The following TAS2R3 variants were observed in gnomAD, a reference collection of about 807,000 sequenced individuals.
TAS2R3 encodes taste 2 receptor member 3.
In TAS2R3, 10 loss-of-function variants were observed where a neutral mutation model predicts 15.3. The observed-to-expected ratio is 0.65, with a 90% CI of 0.40 to 1.11. TAS2R3 has a LOEUF of 1.11. Ranked by LOEUF, TAS2R3 falls within the 50% of genes least tolerant of loss-of-function variation. The pLI, the probability that TAS2R3 is intolerant of heterozygous loss-of-function variation, is 0.00. For synonymous variants in TAS2R3, 162 were observed against 141.3 expected, an observed-to-expected ratio of 1.15 and a Z score of -1.04; for missense variants, 383 against 370.3, an observed-to-expected ratio of 1.03 and a Z score of -0.28.
Position 141,765,172 on chromosome 7 carries a change from C to G in TAS2R3, c.*63C>G. On this transcript the variant is annotated 3_prime_UTR_variant, in exon 1 of 1. Coordinates refer to ENST00000247879, the MANE Select transcript of TAS2R3 (RefSeq NM_016943.2). ...TGGCCTGGCTCAAGACTACAGGACT[C>G]TTCCTGACCTTCCTATGTTACCAGT... 6.8e-7 allele frequency: 1 copy of G among 1,470,600 alleles called. No individual in the cohort carries two copies. 91.1% of individuals were successfully genotyped at this position (1,470,600 alleles called of 1,614,324 possible).
At position 141,765,059 on chromosome 7, in the gene TAS2R3, T is replaced by G. The variant is rs755918988; in HGVS notation, c.901T>G (p.Cys301Gly). ...LKQTFVVMLRCESGHLKPGSK... is the reference protein window; with the variant it reads ...LKQTFVVMLRGESGHLKPGSK... ...GCAGACATTTGTAGTGATGCTCCGG[T>G]GTGAGTCTGGTCATCTGAAGCCTGG... Residue 301 changes from cysteine to glycine, a missense_variant, in exon 1 of 1, where the codon TGT becomes GGT. Coordinates refer to ENST00000247879, the MANE Select transcript of TAS2R3 (RefSeq NM_016943.2). 6.2e-7 allele frequency: 1 copy of G among 1,614,128 alleles called. No homozygotes were observed. Among genetic ancestry groups the G allele is most frequent in the East Asian group, 2.2e-5 (1 of 44,874 alleles).
In TAS2R3 at chr7:141,764,386, T is replaced by C; in HGVS notation, c.228T>C (p.His76=). 2 of 1,614,054 alleles carry C rather than the reference T, an allele frequency of 1.2e-6. No homozygotes were observed. The highest frequency in any genetic ancestry group is 8.5e-7 in the Non-Finnish European group (1 of 1,179,926). The stretch of plus-strand genomic sequence containing the variant: ...TAATAGAATTCTCTCCCAACACACA[T>C]GATTCAGGGATAATAATGCAAATTA... ...SFLIEFSPNT[H]DSGIIMQIID... is the part of the protein sequence containing the mutation. The change falls in exon 1 of 1, where the codon CAT becomes CAC. Residue 76 remains histidine (H), a synonymous_variant. Coordinates refer to ENST00000247879, the MANE Select transcript of TAS2R3 (RefSeq NM_016943.2).
In TAS2R3 at chr7:141,764,510, A is replaced by C; in HGVS notation, c.352A>C (p.Thr118Pro). 6.2e-7 allele frequency: 1 copy of C among 1,613,906 alleles called. No homozygotes were observed. The highest frequency in any genetic ancestry group is 8.5e-7 in the Non-Finnish European group (1 of 1,179,986). The change falls in exon 1 of 1, where the codon ACA becomes CCA. Residue 118 changes from threonine (T) to proline (P), a missense_variant. Coordinates refer to ENST00000247879, the MANE Select transcript of TAS2R3 (RefSeq NM_016943.2). ...GAAAATCGCCAGTTTCTCTCACCCC[A>C]CATTCCTCTGGCTCAAGTGGAGAGT... ...CLKIASFSHP[T>P]FLWLKWRVSR...
At position 141,764,870 on chromosome 7, in the gene TAS2R3, T is replaced by C. The variant is rs952330121; in HGVS notation, c.712T>C (p.Ser238Pro). ...AHKRAIRIIL[S>P]FFFLFLLYFL... ...CAAGAGGGCCATCAGAATCATCCTT[T>C]CCTTCTTCTTTCTCTTCTTACTTTA... Residue 238 changes from serine (S) to proline (P), a missense_variant, in exon 1 of 1, where the codon TCC (serine) becomes CCC (proline). Transcript: ENST00000247879. The C allele has an allele frequency of 6.2e-7, 1 of 1,614,104 alleles. No individual in the cohort carries two copies. Among genetic ancestry groups the C allele is most frequent in the Non-Finnish European group, 8.5e-7 (1 of 1,180,044 alleles).
In TAS2R3 at chr7:141,764,645, G is replaced by A. The variant is rs889805779; in HGVS notation, c.487G>A (p.Ala163Thr). 1.2e-5 allele frequency: 19 copies of A among 1,613,994 alleles called. No individual in the cohort carries two copies. The African/African-American group carries it at 2.5e-4, about 22-fold the overall frequency. Residue 163 changes from alanine (A) to threonine (T), a missense_variant, in exon 1 of 1, where the codon GCC (alanine) becomes ACC (threonine). Physicochemically the swap from Ala to Thr is moderately conservative, Grantham distance 58 (BLOSUM62 0). Coordinates refer to ENST00000247879, the MANE Select transcript of TAS2R3 (RefSeq NM_016943.2). ...KLYSVFRGIE[A>T]TRNVTEHFRK... is the part of the protein sequence containing the mutation. ...CTATTCTGTCTTTAGGGGAATTGAG[G>A]CCACCAGGAATGTGACTGAACACTT...
In TAS2R3 at chr7:141,764,246, G is replaced by A. The variant is rs752575625; in HGVS notation, c.88G>A (p.Val30Ile). 5 of 1,614,172 alleles carry A rather than the reference G, an allele frequency of 3.1e-6. No homozygotes were observed. The South Asian group carries it at 5.5e-5, about 18-fold the overall frequency. ...TCTGGTCAATTGTTTCATTGAGTTGGTCAATGGTAGCAGCTGGTTCAAGAC... is the reference window on the plus strand; with the variant it reads ...TCTGGTCAATTGTTTCATTGAGTTGATCAATGGTAGCAGCTGGTTCAAGAC... The part of the protein sequence containing the change: ...GILVNCFIEL[V>I]NGSSWFKTKR... The change falls in exon 1 of 1, where the codon GTC becomes ATC. Residue 30 changes from valine (V) to isoleucine (I), a missense_variant. By Grantham distance (29) the Val-to-Ile change is conservative. Transcript: ENST00000247879.
rs1800110291 is a variant in TAS2R3 at position 141,765,130 on chromosome 7, G to A, written c.*21G>A. On this transcript the variant is annotated 3_prime_UTR_variant, in exon 1 of 1. Coordinates refer to ENST00000247879, the MANE Select transcript of TAS2R3 (RefSeq NM_016943.2). Reference sequence around the variant, plus strand: ...CTTAGAGTAACAGAGGGCATGGGGTGGAGCCCTTGAGCCTTTTGGCCTGGC... The same window carrying A: ...CTTAGAGTAACAGAGGGCATGGGGTAGAGCCCTTGAGCCTTTTGGCCTGGC... The A allele has an allele frequency of 6.3e-7, 1 of 1,584,528 alleles. No individual in the cohort carries two copies. Among genetic ancestry groups the A allele is most frequent in the East Asian group, 2.2e-5 (1 of 44,696 alleles).
chr7:141,764,209 C>G lies in TAS2R3; in HGVS notation c.51C>G (p.Phe17Leu), dbSNP rs1413666644. 3 of 1,613,976 alleles carry G rather than the reference C, an allele frequency of 1.9e-6. No individual in the cohort carries two copies. Among genetic ancestry groups the G allele is most frequent in the Non-Finnish European group, 1.7e-6 (2 of 1,180,014 alleles). Residue 17 changes from phenylalanine to leucine, a missense_variant, in exon 1 of 1, where the codon TTC becomes TTG. By Grantham distance (22) the Phe-to-Leu change is conservative. Coordinates refer to ENST00000247879, the MANE Select transcript of TAS2R3 (RefSeq NM_016943.2). ...TCCTGATTCTGTCTGGCACTCAGTTCACACTGGGAATTCTGGTCAATTGTT... is the reference window on the plus strand; with the variant it reads ...TCCTGATTCTGTCTGGCACTCAGTTGACACTGGGAATTCTGGTCAATTGTT... Reference protein sequence around the residue: ...GVFLILSGTQFTLGILVNCFI... With the variant: ...GVFLILSGTQLTLGILVNCFI...
chr7:141,764,534 G>A lies in TAS2R3; in HGVS notation c.376G>A (p.Val126Ile). ...HPTFLWLKWRVSRVMVWMLLG... is the reference protein window; with the variant it reads ...HPTFLWLKWRISRVMVWMLLG... ...CACATTCCTCTGGCTCAAGTGGAGA[G>A]TTTCTAGGGTGATGGTATGGATGCT... The change falls in exon 1 of 1, where the codon GTT becomes ATT. Residue 126 changes from valine to isoleucine, a missense_variant. Val to Ile is a conservative substitution (Grantham distance 29). Coordinates refer to ENST00000247879, the MANE Select transcript of TAS2R3 (RefSeq NM_016943.2). 1 of 1,614,168 alleles carries A rather than the reference G, an allele frequency of 6.2e-7. No individual in the cohort carries two copies. The highest frequency in any genetic ancestry group is 8.5e-7 in the Non-Finnish European group (1 of 1,180,020).
Position 141,764,521 on chromosome 7 carries a change from G to C in TAS2R3, c.363G>C (p.Trp121Cys), listed in dbSNP as rs200480259. Residue 121 changes from tryptophan (W) to cysteine (C), a missense_variant, in exon 1 of 1, where the codon TGG (tryptophan) becomes TGC (cysteine). Trp to Cys is a radical substitution (Grantham distance 215). Transcript: ENST00000247879. ...IASFSHPTFL[W>C]LKWRVSRVMV... ...GTTTCTCTCACCCCACATTCCTCTG[G>C]CTCAAGTGGAGAGTTTCTAGGGTGA... The C allele has an allele frequency of 9.2e-5, 148 of 1,614,082 alleles. No homozygotes were observed. The East Asian group carries it at 3.3e-3, about 35-fold the overall frequency.
chr7:141,765,150 C>A lies in TAS2R3; in HGVS notation c.*41C>A. The A allele has an allele frequency of 6.4e-7, 1 of 1,553,764 alleles. No individual in the cohort carries two copies. On this transcript the variant is annotated 3_prime_UTR_variant, in exon 1 of 1. Transcript: ENST00000247879. Reference sequence around the variant, plus strand: ...GGGGTGGAGCCCTTGAGCCTTTTGGCCTGGCTCAAGACTACAGGACTCTTC... The same window carrying A: ...GGGGTGGAGCCCTTGAGCCTTTTGGACTGGCTCAAGACTACAGGACTCTTC...
Position 141,764,138 on chromosome 7 carries a change from C to T in TAS2R3, c.-21C>T, listed in dbSNP as rs1258280075. The T allele has an allele frequency of 1.3e-6, 2 of 1,593,990 alleles. No individual in the cohort carries two copies. Among genetic ancestry groups the T allele is most frequent in the Non-Finnish European group, 1.7e-6 (2 of 1,171,324 alleles). On this transcript the variant is annotated 5_prime_UTR_variant, in exon 1 of 1. Transcript: ENST00000247879. ...ATGTATCAACAGAAAGAACAAAGAT[C>T]AGGGCTGCCTAATTGCTGACATGAT... is the stretch of plus-strand genomic sequence containing the variant.
Position 141,765,002 on chromosome 7 carries a change from T to C in TAS2R3, c.844T>C (p.Phe282Leu), listed in dbSNP as rs745722421. ...AATGTTTTATCCTGCTGGCCACTCA[T>C]TTATTCTCATTCTGGGGAACAGTAA... Reference protein sequence around the residue: ...MTMFYPAGHSFILILGNSKLK... With the variant: ...MTMFYPAGHSLILILGNSKLK... Residue 282 changes from phenylalanine (F) to leucine (L), a missense_variant, in exon 1 of 1, where the codon TTT (phenylalanine) becomes CTT (leucine). Transcript: ENST00000247879. 6.2e-7 allele frequency: 1 copy of C among 1,614,218 alleles called. No individual in the cohort carries two copies. Among genetic ancestry groups the C allele is most frequent in the South Asian group, 1.1e-5 (1 of 91,086 alleles).
Position 141,765,155 on chromosome 7 carries a change from C to T in TAS2R3, c.*46C>T, listed in dbSNP as rs1166993154. On this transcript the variant is annotated 3_prime_UTR_variant, in exon 1 of 1. Transcript: ENST00000247879. ...GGAGCCCTTGAGCCTTTTGGCCTGG[C>T]TCAAGACTACAGGACTCTTCCTGAC... 1.3e-6 allele frequency: 2 copies of T among 1,546,254 alleles called. No individual in the cohort carries two copies.
In TAS2R3 at chr7:141,764,569, A is replaced by C. The variant is rs767208800; in HGVS notation, c.411A>C (p.Ala137=). Residue 137 remains alanine, a synonymous_variant, in exon 1 of 1, where the codon GCA becomes GCC. Coordinates refer to ENST00000247879, the MANE Select transcript of TAS2R3 (RefSeq NM_016943.2). ...TGATGGTATGGATGCTGTTGGGTGCACTGCTCTTATCCTGTGGTAGTACCG... is the reference window on the plus strand; with the variant it reads ...TGATGGTATGGATGCTGTTGGGTGCCCTGCTCTTATCCTGTGGTAGTACCG... ...SRVMVWMLLG[A]LLLSCGSTAS... The C allele has an allele frequency of 4.3e-6, 7 of 1,613,992 alleles. No homozygotes were observed. In the Admixed American group the frequency reaches 8.3e-5, roughly 19 times the overall value.
rs1482554628 is a variant in TAS2R3 at position 141,764,420 on chromosome 7, T to A, written c.262T>A (p.Ser88Thr). 3 of 1,614,188 alleles carry A rather than the reference T, an allele frequency of 1.9e-6. No individual in the cohort carries two copies. In the African/African-American group the frequency reaches 4.0e-5, roughly 22 times the overall value. Residue 88 changes from serine (S) to threonine (T), a missense_variant, in exon 1 of 1, where the codon TCC becomes ACC. By Grantham distance (58) the Ser-to-Thr change is moderately conservative. Coordinates refer to ENST00000247879, the MANE Select transcript of TAS2R3 (RefSeq NM_016943.2). ...GATAATAATGCAAATTATTGATGTT[T>A]CCTGGACATTTACAAACCATCTGAG... is the stretch of plus-strand genomic sequence containing the variant. ...SGIIMQIIDV[S>T]WTFTNHLSIW...
At position 141,764,991 on chromosome 7, in the gene TAS2R3, C is replaced by G. The variant is rs1584778421; in HGVS notation, c.833C>G (p.Ala278Gly). The G allele has an allele frequency of 3.1e-6, 5 of 1,614,204 alleles. No individual in the cohort carries two copies. Among genetic ancestry groups the G allele is most frequent in the Non-Finnish European group, 4.2e-6 (5 of 1,180,040 alleles). Residue 278 changes from alanine (A) to glycine (G), a missense_variant, in exon 1 of 1, where the codon GCT (alanine) becomes GGT (glycine). Physicochemically the swap from Ala to Gly is moderately conservative, Grantham distance 60. Transcript: ENST00000247879. ...IGEVMTMFYP[A>G]GHSFILILGN... Reference sequence around the variant, plus strand: ...GAAGTAATGACAATGTTTTATCCTGCTGGCCACTCATTTATTCTCATTCTG... The same window carrying G: ...GAAGTAATGACAATGTTTTATCCTGGTGGCCACTCATTTATTCTCATTCTG...
chr7:141,764,935 A>G lies in TAS2R3; in HGVS notation c.777A>G (p.Leu259=). The stretch of plus-strand genomic sequence containing the variant: ...TAATTGCATCATTTGGTAATTTCCT[A>G]CCAAAAACCAAGATGGCTAAGATGA... ...AFLIASFGNF[L]PKTKMAKMIG... The change falls in exon 1 of 1, where the codon CTA becomes CTG. Residue 259 remains leucine, a synonymous_variant. Coordinates refer to ENST00000247879, the MANE Select transcript of TAS2R3 (RefSeq NM_016943.2). 1.2e-6 allele frequency: 2 copies of G among 1,614,162 alleles called. No individual in the cohort carries two copies. The highest frequency in any genetic ancestry group is 8.5e-7 in the Non-Finnish European group (1 of 1,180,030).
rs1020147220 is a variant in TAS2R3, at chr7:141,764,701, C to T, written c.543C>T (p.Ile181=). ...FRKKRSEYYL[I]HVLGTLWYLP... Reference sequence around the variant, plus strand: ...AGAAGAGGAGTGAGTATTATCTGATCCATGTTCTTGGGACTCTGTGGTACC... The same window carrying T: ...AGAAGAGGAGTGAGTATTATCTGATTCATGTTCTTGGGACTCTGTGGTACC... The change falls in exon 1 of 1, where the codon ATC becomes ATT. Residue 181 remains isoleucine (I), a synonymous_variant. Coordinates refer to ENST00000247879, the MANE Select transcript of TAS2R3 (RefSeq NM_016943.2). The T allele has an allele frequency of 6.2e-7, 1 of 1,614,068 alleles. No homozygotes were observed. The highest frequency in any genetic ancestry group is 8.5e-7 in the Non-Finnish European group (1 of 1,180,012).
Sources: allele counts gnomAD v4.1 joint callset, GRCh38; gene constraint gnomAD v4.1.1; transcripts MANE v1.5; gene names NCBI Gene and HGNC (gene_info 2026-07-23, HGNC 2026-07-21).